The following DHRS9 variants were observed in gnomAD, a reference collection of about 807,000 sequenced individuals.
DHRS9 encodes dehydrogenase/reductase SDR family member 9.
In DHRS9, 18 loss-of-function variants were observed where a neutral mutation model predicts 26.6. The ratio of observed to expected loss-of-function variants is 0.68; its 90% CI spans 0.47 to 1.00. DHRS9 has a LOEUF of 1.00. Among genes scored for constraint, DHRS9 ranks in the 50% least tolerant of loss-of-function variants. DHRS9 has a pLI of 0.00. For missense variants in DHRS9, 425 were observed against 378.7 expected, an observed-to-expected ratio of 1.12 and a Z score of -1.01; for synonymous variants, 134 against 141.1, an observed-to-expected ratio of 0.95 and a Z score of 0.36.
chr2:169,074,458 A>G (rs1484329230), intron 1 of DHRS9: 1 of 985,304 alleles, frequency 1.0e-6, no homozygotes, highest in Non-Finnish European at 1.2e-6. Context: ...AAACAACTCA[A>G]GCAACCAGGT....
intron 3 of DHRS9, among the ~76,000 whole-genome samples, chr2:169,091,308 A>G (rs1278456688): frequency 6.6e-6 from 1 of 151,882 alleles, no homozygotes; most frequent in Non-Finnish European, 1.5e-5. Context: ...AAACTTGCTC[A>G]ACAGCATAGG....
chr2:169,088,965 G>A (rs1322929924), intron 3 of DHRS9, among the ~76,000 whole-genome samples: 2 of 152,214 alleles, frequency 1.3e-5, no homozygotes, highest in Non-Finnish European at 2.9e-5. Flanking sequence ...CATTCCGTGG[G>A]AGAGACTGGG....
At chr2:169,076,426 GT>G (rs1683964177) in intron 1 of DHRS9, among the ~76,000 whole-genome samples, 1 of 152,204 alleles carries the variant, frequency 6.6e-6, no homozygotes, top group Non-Finnish European at 1.5e-5. Context: ...TGAACACAAT[GT>G]TTAGAAATTG....
chr2:169,078,645 C>T (rs1235614116), intron 1 of DHRS9, among the ~76,000 whole-genome samples: 1 of 151,994 alleles, frequency 6.6e-6, no homozygotes, highest in Non-Finnish European at 1.5e-5. Context: ...TGATTTGCAA[C>T]AAATTATAAC....
At position 169,081,516 on chromosome 2, in the gene DHRS9, C is replaced by T; in HGVS notation, c.-59-7C>T. ...TTTGAATTTTCTTTTTCACTTTGAA[C>T]ACTCAGGACACCATCTTCTTGTATT... is the stretch of plus-strand genomic sequence containing the variant. On this transcript the variant is annotated splice_polypyrimidine_tract_variant and splice_region_variant and intron_variant, in intron 1 of 4. Transcript: ENST00000674881. 2.6e-6 allele frequency: 4 copies of T among 1,545,698 alleles called. No individual in the cohort carries two copies. In the South Asian group the frequency reaches 5.0e-5, roughly 19 times the overall value.
chr2:169,095,662 A>G lies in DHRS9; in HGVS notation c.855A>G (p.Lys285=). 6.2e-7 allele frequency: 1 copy of G among 1,613,998 alleles called. No homozygotes were observed. The change falls in exon 5 of 5, where the codon AAA becomes AAG. Residue 285 remains lysine (K), a synonymous_variant. Coordinates refer to ENST00000674881, the MANE Select transcript of DHRS9 (RefSeq NM_001376924.1). ...CTAAGACTCATTATGCCGCTGGAAAAGATGCCAAAATTTTCTGGATACCTC... is the reference window on the plus strand; with the variant it reads ...CTAAGACTCATTATGCCGCTGGAAAGGATGCCAAAATTTTCTGGATACCTC... ...LFPKTHYAAG[K]DAKIFWIPLS...
At chr2:169,085,749 G>T (rs1684329860) in intron 3 of DHRS9, among the ~76,000 whole-genome samples, 1 of 152,018 alleles carries the variant, frequency 6.6e-6, no homozygotes, top group South Asian at 2.1e-4. Context: ...GAATTTATTT[G>T]TTCTAATAGT....
At position 169,070,337 on chromosome 2, in the gene DHRS9, G is replaced by A. The variant is rs79793965; in HGVS notation, c.-60+620G>A. The stretch of plus-strand genomic sequence containing the variant: ...ATATTTACTCCCCATTTTATGATCC[G>A]GTGGTTTGGTTTTTCAAATGATGAT... On this transcript the variant is annotated intron_variant, in intron 1 of 4. Coordinates refer to ENST00000674881, the MANE Select transcript of DHRS9 (RefSeq NM_001376924.1). The A allele has an allele frequency of 0.12, 114,825 of 985,274 alleles. 6,880 individuals are homozygous for A. Among genetic ancestry groups the A allele is most frequent in the African/African-American group, 0.17 (9,656 of 57,274 alleles). 61.0% of individuals were successfully genotyped at this position (985,274 alleles called of 1,614,324 possible).
At chr2:169,089,490 G>A (rs1277440219) in intron 3 of DHRS9, among the ~76,000 whole-genome samples, 1 of 152,164 alleles carries the variant, frequency 6.6e-6, no homozygotes, top group Non-Finnish European at 1.5e-5. Context: ...GCTGAGTGGT[G>A]CCACAATAGG....
At chr2:169,084,580 C>CT (rs952292594) in intron 3 of DHRS9, among the ~76,000 whole-genome samples, 67 of 152,096 alleles carry the variant, frequency 4.4e-4, no homozygotes, top group Admixed American at 4.3e-3. Context: ...TTGCATTTTT[C>CT]TGATGATCAA....
chr2:169,071,940 G>A (rs549653942), intron 1 of DHRS9, among the ~76,000 whole-genome samples: 1 of 148,536 alleles, frequency 6.7e-6, no homozygotes, highest in Non-Finnish European at 1.5e-5. Context: ...TAATTTTTTA[G>A]TTTATGTCAA....
At position 169,091,858 on chromosome 2, in the gene DHRS9, C is replaced by T. The variant is rs527348674; in HGVS notation, c.641C>T (p.Ala214Val). The change falls in exon 4 of 5, where the codon GCA becomes GTA. Residue 214 changes from alanine (A) to valine (V), a missense_variant. By Grantham distance (64) the Ala-to-Val change is moderately conservative. Transcript: ENST00000674881. ...CCAGGATTGTTCAAAACAAACTTGGCAGATCCAGTAAAGGTAATTGAAAAA... is the reference window on the plus strand; with the variant it reads ...CCAGGATTGTTCAAAACAAACTTGGTAGATCCAGTAAAGGTAATTGAAAAA... ...IEPGLFKTNL[A>V]DPVKVIEKKL... 6.9e-5 allele frequency: 111 copies of T among 1,613,952 alleles called. No individual in the cohort carries two copies. In the South Asian group the frequency reaches 1.2e-3, roughly 17 times the overall value.
At chr2:169,081,125 G>T in intron 1 of DHRS9, 2 of 997,606 alleles carry the variant, frequency 2.0e-6, no homozygotes, top group Middle Eastern at 5.2e-4. Flanking sequence ...AGCCCATTCT[G>T]CAGTGGAATT....
At chr2:169,074,515 G>C (rs924440092) in intron 1 of DHRS9, 197 of 913,418 alleles carry the variant, frequency 2.2e-4, no homozygotes, top group Non-Finnish European at 2.5e-4. Context: ...GCCGTGCAGA[G>C]GTAACCACAG....
At position 169,083,517 on chromosome 2, in the gene DHRS9, C is replaced by T. The variant is rs771339001; in HGVS notation, c.502C>T (p.Arg168Cys). 6.1e-5 allele frequency: 98 copies of T among 1,613,860 alleles called. No individual in the cohort carries two copies. The highest frequency in any genetic ancestry group is 1.2e-4 in the African/African-American group (9 of 74,884). Residue 168 changes from arginine to cysteine, a missense_variant, in exon 3 of 5, where the codon CGC becomes TGC. Arg to Cys is a radical substitution (Grantham distance 180). Coordinates refer to ENST00000674881, the MANE Select transcript of DHRS9 (RefSeq NM_001376924.1). Reference sequence around the variant, plus strand: ...TATTAATGTCTCCAGTGTTGGAGGTCGCCTTGCAATCGTTGGAGGGGGCTA... The same window carrying T: ...TATTAATGTCTCCAGTGTTGGAGGTTGCCTTGCAATCGTTGGAGGGGGCTA... ...RVINVSSVGGRLAIVGGGYTP... is the reference protein window; with the variant it reads ...RVINVSSVGGCLAIVGGGYTP...
intron 3 of DHRS9, among the ~76,000 whole-genome samples, chr2:169,088,438 T>G (rs1684419811): frequency 6.6e-6 from 1 of 152,214 alleles, no homozygotes; most frequent in East Asian, 1.9e-4. Flanking sequence ...TTCAGTGATA[T>G]GAAGTTAAAG....
chr2:169,068,955 G>A (rs1175036564), upstream of DHRS9, among the ~76,000 whole-genome samples: 1 of 152,164 alleles, frequency 6.6e-6, no homozygotes, highest in Non-Finnish European at 1.5e-5. Flanking sequence ...GATCAACTCT[G>A]ACACAGACAA....
At chr2:169,070,340 G>A (rs1574016720) in intron 1 of DHRS9, 1 of 985,260 alleles carries the variant, frequency 1.0e-6, no homozygotes, top group Non-Finnish European at 1.2e-6. Flanking sequence ...ATGATCCGGT[G>A]GTTTGGTTTT....
intron 2 of DHRS9, among the ~76,000 whole-genome samples, chr2:169,082,853 G>A (rs887720065): frequency 7.4e-6 from 1 of 134,240 alleles, no homozygotes; most frequent in Non-Finnish European, 1.6e-5. Context: ...GACACAGGAA[G>A]GGGAACATCA....
Sources: gnomAD v4.1 joint callset for allele counts (sites outside exome capture counted in the v4.1 genomes callset) on GRCh38, gnomAD v4.1.1 for gene constraint, MANE v1.5 for transcripts, NCBI Gene and HGNC (gene_info 2026-07-23, HGNC 2026-07-21) for gene names.